The following CACNA1A variants were observed in gnomAD, a reference collection of about 807,000 sequenced individuals.
CACNA1A encodes voltage-dependent P/Q-type calcium channel subunit alpha-1A.
Under a neutral mutation model 262.4 loss-of-function variants are expected in CACNA1A, and 57 were observed. That is an observed-to-expected ratio of 0.22 (90% CI 0.18 to 0.27). The LOEUF is 0.27. CACNA1A is among the 10% of genes least tolerant of loss of function. The pLI, the probability that CACNA1A is intolerant of heterozygous loss-of-function variation, is 1.00. For missense variants in CACNA1A, 2,526 were observed against 3,562.8 expected, an observed-to-expected ratio of 0.71 and a Z score of 7.41; for synonymous variants, 1,431 against 1,419.3, an observed-to-expected ratio of 1.01 and a Z score of -0.18.
At chr19:13,417,707 T>C (rs748623283) in intron 3 of CACNA1A, among the ~76,000 whole-genome samples, 5 of 151,916 alleles carry the variant, frequency 3.3e-5, no homozygotes, top group Admixed American at 2.0e-4. Flanking sequence ...CTGGCCCACA[T>C]GGTGAAACCC....
Position 13,308,672 on chromosome 19 carries a change from A to G in CACNA1A, c.1669-144T>C, listed in dbSNP as rs2057956747. ...CCGGGTGAGGATCCTTGACCCCCTC[A>G]TTCATCCATTCATTTATCTATAGAG... On this transcript the variant is annotated intron_variant, in intron 12 of 46. Transcript: ENST00000360228. The surrounding 1 kb of genome is among the most constrained non-coding windows in gnomAD (Gnocchi z 4.2). 1.7e-6 allele frequency: 1 copy of G among 582,174 alleles called. No individual in the cohort carries two copies. Among genetic ancestry groups the G allele is most frequent in the Non-Finnish European group, 3.0e-6 (1 of 328,076 alleles). 36.1% of individuals were successfully genotyped at this position (582,174 alleles called of 1,614,324 possible). A position where few individuals can be genotyped will look rare whatever the true frequency, so the allele number is the denominator to read the frequency against.
In CACNA1A at chr19:13,293,747, C is replaced by T. The variant is rs186078092; in HGVS notation, c.3089+4797G>A. Among the ~76,000 whole-genome samples, 35 of 151,686 alleles carry T rather than the reference C, an allele frequency of 2.3e-4. No individual in the cohort carries two copies. The East Asian group carries it at 5.2e-3, about 23-fold the overall frequency. ...CTGGGATTACAGGCATGAGCCACCG[C>T]GCCCGGCTCAGTTAAATCTTATACC... On this transcript the variant is annotated intron_variant, in intron 19 of 46. Coordinates refer to ENST00000360228, the MANE Select transcript of CACNA1A (RefSeq NM_001127222.2).
chr19:13,414,831 C>T (rs535156782), intron 3 of CACNA1A, among the ~76,000 whole-genome samples: 3 of 151,814 alleles, frequency 2.0e-5, no homozygotes, highest in South Asian at 2.1e-4. Context: ...GGTGTGGTGG[C>T]GTGTGCCTGT....
At chr19:13,264,434 T>C (rs1600202321) in intron 24 of CACNA1A, among the ~76,000 whole-genome samples, 1 of 152,206 alleles carries the variant, frequency 6.6e-6, no homozygotes, top group Non-Finnish European at 1.5e-5. Flanking sequence ...CCAATGACCT[T>C]GTCACTCTTT....
Position 13,207,483 on chromosome 19 carries a change from A to G in CACNA1A, c.7351T>C (p.Ser2451Pro), listed in dbSNP as rs2054609508. The part of the protein sequence containing the change: ...RHASSGATGR[S>P]PRTPRASGPA... Reference sequence around the variant, plus strand: ...CCCGAGGCCCGGGGAGTCCTGGGCGAGCGCCCGGTGGCGCCCGAGGACGCG... The same window carrying G: ...CCCGAGGCCCGGGGAGTCCTGGGCGGGCGCCCGGTGGCGCCCGAGGACGCG... Residue 2451 changes from serine (S) to proline (P), a missense_variant, in exon 47 of 47, where the codon TCG becomes CCG. Ser to Pro is a moderately conservative substitution (Grantham distance 74). Coordinates refer to ENST00000360228, the MANE Select transcript of CACNA1A (RefSeq NM_001127222.2). This position sits in a 1 kb window ranked among gnomAD's most constrained non-coding sequence, Gnocchi z 5.7. 1 of 1,437,612 alleles carries G rather than the reference A, an allele frequency of 7.0e-7. No individual in the cohort carries two copies. Among genetic ancestry groups the G allele is most frequent in the Non-Finnish European group, 9.1e-7 (1 of 1,102,108 alleles). 89.1% of individuals were successfully genotyped at this position (1,437,612 alleles called of 1,614,324 possible).
At chr19:13,393,832 C>G (rs1308839631) in intron 3 of CACNA1A, among the ~76,000 whole-genome samples, 4 of 113,718 alleles carry the variant, frequency 3.5e-5, no homozygotes, top group Non-Finnish European at 7.6e-5. Context: ...CTCTCTCTCT[C>G]TCTCTTCCCC....
chr19:13,402,723 T>TATATATATACATATATATACAC (rs2059917323), intron 3 of CACNA1A, among the ~76,000 whole-genome samples: 1 of 146,288 alleles, frequency 6.8e-6, no homozygotes, highest in Admixed American at 7.0e-5. Context: ...AAATTTCATA[T>TATATATATACATATATATACAC]ATATATATAC....
chr19:13,245,343 T>C lies in CACNA1A; in HGVS notation c.4867-78A>G, dbSNP rs184270095. 331 of 1,088,458 alleles carry C rather than the reference T, an allele frequency of 3.0e-4. No homozygotes were observed. In the African/African-American group the frequency reaches 4.7e-3, roughly 15 times the overall value. The allele number at this position is 1,088,458 out of a possible 1,614,324, so 67.4% of individuals were successfully genotyped here. Reference sequence around the variant, plus strand: ...CCCCCTAGGCTGGCCGGGTGCATGTTAGAGGCACAGTTGCCCATCAGCGGA... The same window carrying C: ...CCCCCTAGGCTGGCCGGGTGCATGTCAGAGGCACAGTTGCCCATCAGCGGA... On this transcript the variant is annotated intron_variant, in intron 30 of 46. Coordinates refer to ENST00000360228, the MANE Select transcript of CACNA1A (RefSeq NM_001127222.2).
intron 3 of CACNA1A, among the ~76,000 whole-genome samples, chr19:13,449,933 G>C (rs1599480842): frequency 6.6e-6 from 1 of 152,128 alleles, no homozygotes; most frequent in Non-Finnish European, 1.5e-5. Context: ...TTGAGGTCAG[G>C]AGTTCAAGAC....
intron 17 of CACNA1A, 60 bp from the exon 18 acceptor site, chr19:13,300,716 C>A: frequency 7.3e-7 from 1 of 1,368,080 alleles, no homozygotes; most frequent in Non-Finnish European, 1.0e-6. Context: ...GGACTCACTT[C>A]TGACCCTGTT....
intron 22 of CACNA1A, among the ~76,000 whole-genome samples, chr19:13,279,808 T>C (rs1217065781): frequency 6.6e-6 from 1 of 151,096 alleles, no homozygotes; most frequent in Non-Finnish European, 1.5e-5. Context: ...TTTATTTTTA[T>C]TTATTTATAT....
At chr19:13,302,098 G>A (rs1370167483) in intron 17 of CACNA1A, among the ~76,000 whole-genome samples, 1 of 152,186 alleles carries the variant, frequency 6.6e-6, no homozygotes, top group Non-Finnish European at 1.5e-5. Context: ...AAGAGCACAA[G>A]CTGCAGACCC....
rs533937687 is a variant in CACNA1A, at chr19:13,270,842, C to T, written c.3989+5008G>A. On this transcript the variant is annotated intron_variant, in intron 24 of 46. Transcript: ENST00000360228. Reference sequence around the variant, plus strand: ...AGATGCTCCCTGTTGGACTCATGTCCGTCGGCTCTTCCAAAACCCTGGGAG... The same window carrying T: ...AGATGCTCCCTGTTGGACTCATGTCTGTCGGCTCTTCCAAAACCCTGGGAG... 3.2e-4 allele frequency among the ~76,000 whole-genome samples: 48 copies of T among 152,294 alleles called. 2 individuals carry two copies. In the South Asian group the frequency reaches 7.0e-3, roughly 22 times the overall value.
chr19:13,433,665 C>T (rs1259518449), intron 3 of CACNA1A, among the ~76,000 whole-genome samples: 1 of 152,002 alleles, frequency 6.6e-6, no homozygotes, highest in Middle Eastern at 3.4e-3. Context: ...AAGCCCCAAC[C>T]TCAGAATCTC....
intron 28 of CACNA1A, among the ~76,000 whole-genome samples, chr19:13,255,977 C>G: frequency 6.9e-6 from 1 of 143,972 alleles, no homozygotes; most frequent in African/African-American, 2.6e-5. Flanking sequence ...TCCTTCCCTC[C>G]CTCCCTCCCT....
At chr19:13,396,847 G>A (rs2059819866) in intron 3 of CACNA1A, among the ~76,000 whole-genome samples, 2 of 152,306 alleles carry the variant, frequency 1.3e-5, no homozygotes, top group East Asian at 3.9e-4. Context: ...GTTTGGCTGA[G>A]GGGAAGCGCT....
In CACNA1A at chr19:13,404,185, CAT is replaced by C. The variant is rs140786699; in HGVS notation, c.540-32408_540-32407del. ...ACATATGTGCATATATATATATACA[CAT>C]ATACACACACACACACACAGTAATA... On this transcript the variant is annotated intron_variant, in intron 3 of 46. Coordinates refer to ENST00000360228, the MANE Select transcript of CACNA1A (RefSeq NM_001127222.2). Among the ~76,000 whole-genome samples, 9 of 144,448 alleles carry C rather than the reference CAT, an allele frequency of 6.2e-5. 1 individual carries two copies. The highest frequency in any genetic ancestry group is 4.6e-4 in the South Asian group (2 of 4,366). 94.8% of individuals were successfully genotyped at this position (144,448 alleles called of 152,430 possible).
intron 1 of CACNA1A, among the ~76,000 whole-genome samples, chr19:13,472,703 C>T (rs986160550): frequency 6.6e-6 from 1 of 152,196 alleles, no homozygotes; most frequent in Non-Finnish European, 1.5e-5. Context: ...TACCCCTGTA[C>T]TTCTAATTAT....
chr19:13,292,506 C>T (rs908623636), intron 19 of CACNA1A, among the ~76,000 whole-genome samples: 21 of 151,462 alleles, frequency 1.4e-4, no homozygotes, highest in African/African-American at 1.7e-4. Flanking sequence ...CCCAGCTGCT[C>T]GGGAGGCTGA....
Sources: gnomAD v4.1 joint callset for allele counts (sites outside exome capture counted in the v4.1 genomes callset) on GRCh38, gnomAD v4.1.1 for gene constraint, Gnocchi (gnomAD v3.1) non-coding constraint, MANE v1.5 for transcripts, NCBI Gene and HGNC (gene_info 2026-07-23, HGNC 2026-07-21) for gene names.